ENTPD1: variants seen among roughly 807,000 people sequenced by gnomAD.
The protein encoded by ENTPD1 is ATP diphosphohydrolase.
ENTPD1 carries 33 observed loss-of-function variants against 57.0 expected under a neutral mutation model. The ratio of observed to expected loss-of-function variants is 0.58; its 90% CI spans 0.44 to 0.77. The LOEUF is 0.77. Among genes scored for constraint, ENTPD1 ranks in the 30% least tolerant of loss-of-function variants. ENTPD1 has a pLI of 0.00. For synonymous variants in ENTPD1, 202 were observed against 218.8 expected (o/e 0.92, Z 0.68); for missense variants, 501 against 603.4 (o/e 0.83, Z 1.78).
intron 1 of ENTPD1, among the ~76,000 whole-genome samples, chr10:95,811,312 G>A (rs1168698332): frequency 6.6e-6 from 1 of 152,192 alleles, no homozygotes; most frequent in Non-Finnish European, 1.5e-5. Context: ...TTGGTGAGTG[G>A]CTGACAGGGT....
At chr10:95,698,209 A>G in the ENTPD1 span, among the ~76,000 whole-genome samples, 1 of 152,242 alleles carries the variant, frequency 6.6e-6, no homozygotes, top group African/African-American at 2.4e-5. Context: ...AACTGTGTCC[A>G]TGCCTGAGGG....
chr10:95,855,361 G>C (rs1305641330), intron 7 of ENTPD1, among the ~76,000 whole-genome samples: 3 of 151,812 alleles, frequency 2.0e-5, no homozygotes, highest in African/African-American at 7.3e-5. Flanking sequence ...CCTGAATACA[G>C]CACACTGATG....
chr10:95,832,248 C>T (rs977557171), intron 2 of ENTPD1, among the ~76,000 whole-genome samples: 1 of 152,094 alleles, frequency 6.6e-6, no homozygotes, highest in African/African-American at 2.4e-5. Context: ...GATCCTAGTT[C>T]CCCACTCTTA....
At chr10:95,807,414 C>T (rs2098277793) in intron 1 of ENTPD1, among the ~76,000 whole-genome samples, 1 of 152,204 alleles carries the variant, frequency 6.6e-6, no homozygotes, top group African/African-American at 2.4e-5. Flanking sequence ...TGTAATATGT[C>T]ACAGCTTCCC....
At chr10:95,795,987 T>G (rs963673838) in intron 1 of ENTPD1, among the ~76,000 whole-genome samples, 4 of 152,206 alleles carry the variant, frequency 2.6e-5, no homozygotes, top group African/African-American at 7.2e-5. Context: ...ATCTGTCCCC[T>G]TGCTTCCTAG....
the ENTPD1 span, among the ~76,000 whole-genome samples, chr10:95,697,829 G>A: frequency 2.0e-5 from 3 of 152,194 alleles, no homozygotes. Context: ...AAGCAACAGA[G>A]AATGAACGAA....
intron 9 of ENTPD1, among the ~76,000 whole-genome samples, chr10:95,865,130 A>G (rs1419391869): frequency 6.6e-6 from 1 of 152,208 alleles, no homozygotes; most frequent in Non-Finnish European, 1.5e-5. Context: ...AACAAAACAC[A>G]AAACGAGATA....
intron 2 of ENTPD1, among the ~76,000 whole-genome samples, chr10:95,827,489 TTTTG>T (rs2098381771): frequency 6.6e-6 from 1 of 151,988 alleles, no homozygotes; most frequent in Non-Finnish European, 1.5e-5. Context: ...TTTTGTTTTG[TTTTG>T]TTTGTTTTTT....
the ENTPD1 span, among the ~76,000 whole-genome samples, chr10:95,703,226 A>C: frequency 6.6e-6 from 1 of 152,236 alleles, no homozygotes. Flanking sequence ...CCAAAAACTG[A>C]GGGAAAAATT....
chr10:95,786,903 A>G (rs910768108), intron 1 of ENTPD1, among the ~76,000 whole-genome samples: 8 of 152,346 alleles, frequency 5.3e-5, no homozygotes, highest in Admixed American at 1.3e-4. Flanking sequence ...TATGGTTCAT[A>G]TGGCAGTTTC....
intron 7 of ENTPD1, among the ~76,000 whole-genome samples, chr10:95,859,993 G>T (rs1182666938): frequency 6.6e-6 from 1 of 152,048 alleles, no homozygotes; most frequent in Admixed American, 6.6e-5. Flanking sequence ...GTTGAATAAA[G>T]ATGGATTTTT....
chr10:95,748,965 G>A (rs1589669705), intron 1 of ENTPD1, among the ~76,000 whole-genome samples: 2 of 152,258 alleles, frequency 1.3e-5, no homozygotes. Flanking sequence ...ATTAGGTTTA[G>A]AAGCTTCCAT....
chr10:95,772,993 G>A (rs565328017), intron 1 of ENTPD1, among the ~76,000 whole-genome samples: 65 of 152,278 alleles, frequency 4.3e-4, no homozygotes, highest in Non-Finnish European at 8.2e-4. Flanking sequence ...ATCTGGCGAG[G>A]GTTTCAGGCT....
Position 95,866,384 on chromosome 10 carries a change from CAA to C in ENTPD1, c.*4_*5del, listed in dbSNP as rs748601189. The C allele has an allele frequency of 1.2e-6, 2 of 1,613,976 alleles. No individual in the cohort carries two copies. The highest frequency in any genetic ancestry group is 1.7e-6 in the Non-Finnish European group (2 of 1,179,974). ...ATATTTCTGGAAAGATATGGTATAG[CAA>C]AAGCAGCTGAAATATGCTGGCTGGA... is the stretch of plus-strand genomic sequence containing the variant. On this transcript the variant is annotated 3_prime_UTR_variant, in exon 10 of 10. Coordinates refer to ENST00000371205, the MANE Select transcript of ENTPD1 (RefSeq NM_001776.6).
the ENTPD1 span, among the ~76,000 whole-genome samples, chr10:95,695,889 T>C: frequency 2.6e-5 from 4 of 152,206 alleles, no homozygotes; most frequent in Admixed American, 1.3e-4. Context: ...ATTTTTAGTT[T>C]ATTTTATTTC....
chr10:95,847,409 TTCA>T, intron 6 of ENTPD1, 34 bp from the exon 7 acceptor site: 1 of 1,613,718 alleles, frequency 6.2e-7, no homozygotes, highest in Admixed American at 1.7e-5. Context: ...ATCCAAAGCG[TTCA>T]CACATGATGC....
chr10:95,738,492 A>G (rs2097996955), intron 1 of ENTPD1, among the ~76,000 whole-genome samples: 1 of 152,134 alleles, frequency 6.6e-6, no homozygotes, highest in South Asian at 2.1e-4. Flanking sequence ...ATTTTCCTGC[A>G]CCAAAGCTGG....
intron 7 of ENTPD1, among the ~76,000 whole-genome samples, chr10:95,858,477 TAA>T (rs1248499332): frequency 6.6e-6 from 1 of 152,136 alleles, no homozygotes; most frequent in Non-Finnish European, 1.5e-5. Flanking sequence ...GATTTGTTTT[TAA>T]AAGATTCCTG....
At position 95,875,721 on chromosome 10, in the gene ENTPD1, C is replaced by G. The variant is rs1047949831; in HGVS notation, c.*9338C>G. 1 of 165,780 alleles carries G rather than the reference C, an allele frequency of 6.0e-6. No homozygotes were observed. Among genetic ancestry groups the G allele is most frequent in the African/African-American group, 2.4e-5 (1 of 41,560 alleles). 10.3% of individuals were successfully genotyped at this position (165,780 alleles called of 1,614,324 possible). ...TATAGTTCCACCTGGCTGGGGAGGC[C>G]TCAGAATCATGGCAGGAGGTGAAAG... On this transcript the variant is annotated 3_prime_UTR_variant, in exon 10 of 10. Transcript: ENST00000371205.
Sources: gnomAD v4.1 joint callset for allele counts (sites outside exome capture counted in the v4.1 genomes callset) on GRCh38, gnomAD v4.1.1 for gene constraint, MANE v1.5 for transcripts, NCBI Gene and HGNC (gene_info 2026-07-23, HGNC 2026-07-21) for gene names.